The following SPAG16 variants were observed in gnomAD, a reference collection of about 807,000 sequenced individuals.
SPAG16 encodes the protein sperm-associated antigen 16 protein.
Under a neutral mutation model 80.4 loss-of-function variants are expected in SPAG16, and 86 were observed. The observed-to-expected ratio is 1.07, with a 90% CI of 0.90 to 1.28. SPAG16 has a LOEUF of 1.28. Among genes scored for constraint, SPAG16 ranks in the 50% most tolerant of loss-of-function variants. The pLI, the probability that SPAG16 is intolerant of heterozygous loss-of-function variation, is 0.00. For synonymous variants in SPAG16, 294 were observed against 265.9 expected, an observed-to-expected ratio of 1.11 and a Z score of -1.03; for missense variants, 870 against 765.3, an observed-to-expected ratio of 1.14 and a Z score of -1.61.
chr2:214,376,944 A>T lies in SPAG16; in HGVS notation c.1721-33196A>T, dbSNP rs75095009. ...ATAAAAATTTAAAATTTAGCAAAACATACACATGCAGGCACTTACAGACCA... is the reference window on the plus strand; with the variant it reads ...ATAAAAATTTAAAATTTAGCAAAACTTACACATGCAGGCACTTACAGACCA... On this transcript the variant is annotated intron_variant, in intron 15 of 15. Coordinates refer to ENST00000331683, the MANE Select transcript of SPAG16 (RefSeq NM_024532.5). Among the ~76,000 whole-genome samples the T allele has an allele frequency of 5.3e-5, 8 of 152,350 alleles. No individual in the cohort carries two copies. In the East Asian group the frequency reaches 1.3e-3, roughly 26 times the overall value.
At chr2:213,607,017 T>C (rs764248151) in intron 10 of SPAG16, among the ~76,000 whole-genome samples, 3 of 152,066 alleles carry the variant, frequency 2.0e-5, no homozygotes, top group Non-Finnish European at 2.9e-5. Context: ...GCTGGAGAAG[T>C]TTATATTGCA....
intron 3 of SPAG16, among the ~76,000 whole-genome samples, chr2:213,309,825 G>A (rs1156813977): frequency 1.3e-5 from 2 of 151,948 alleles, no homozygotes; most frequent in African/African-American, 4.8e-5. Flanking sequence ...TTTTTATTTA[G>A]TTATTCATAT....
intron 11 of SPAG16, among the ~76,000 whole-genome samples, chr2:213,881,957 T>C (rs942587810): frequency 6.6e-6 from 1 of 152,200 alleles, no homozygotes; most frequent in African/African-American, 2.4e-5. Context: ...CAGTATGAGG[T>C]TGGCTGTTGG....
At position 214,320,440 on chromosome 2, in the gene SPAG16, T is replaced by C. The variant is rs1032064790; in HGVS notation, c.1721-89700T>C. On this transcript the variant is annotated intron_variant, in intron 15 of 15. Transcript: ENST00000331683. ...GTCTACATTCCTCCTGTATGAACCA[T>C]ATTCTTGTAAGCCCCAAGCATATAT... Among the ~76,000 whole-genome samples, 12 of 152,336 alleles carry C rather than the reference T, an allele frequency of 7.9e-5. No individual in the cohort carries two copies. In the Middle Eastern group the frequency reaches 0.01, roughly 130 times the overall value.
At chr2:214,352,568 G>GTGTGTGTGTGTGTA (rs1453726686) in intron 15 of SPAG16, among the ~76,000 whole-genome samples, 2 of 59,412 alleles carry the variant, frequency 3.4e-5, no homozygotes, top group Non-Finnish European at 6.3e-5. Context: ...CTGTGTGTGT[G>GTGTGTGTGTGTGTA]TGTGTGTATG....
intron 13 of SPAG16, among the ~76,000 whole-genome samples, chr2:214,044,966 C>A (rs2049233465): frequency 6.6e-6 from 1 of 152,154 alleles, no homozygotes; most frequent in Non-Finnish European, 1.5e-5. Context: ...GGCTAGAAAA[C>A]CAGGACTGCA....
chr2:213,310,174 A>C lies in SPAG16; in HGVS notation c.395A>C (p.Glu132Ala), dbSNP rs1211656913. 6.4e-7 allele frequency: 1 copy of C among 1,567,160 alleles called. No individual in the cohort carries two copies. The highest frequency in any genetic ancestry group is 1.7e-5 in the Admixed American group (1 of 57,758). Residue 132 changes from glutamate to alanine, a missense_variant, in exon 4 of 16, where the codon GAA (glutamate) becomes GCA (alanine). Transcript: ENST00000331683. ...MTRTLDCFQS[E>A]WYELIQKGVT... ...AGAACTCTTGATTGCTTTCAGTCTG[A>C]ATGGTAAACAATTATGTAGATAAAT...
chr2:214,038,140 A>G (rs1035144588), intron 13 of SPAG16, among the ~76,000 whole-genome samples: 2 of 152,132 alleles, frequency 1.3e-5, no homozygotes, highest in Non-Finnish European at 2.9e-5. Context: ...GTTTCTCTAT[A>G]CAAAGTAGAG....
At chr2:213,853,656 A>T (rs945022614) in intron 10 of SPAG16, among the ~76,000 whole-genome samples, 1 of 152,190 alleles carries the variant, frequency 6.6e-6, no homozygotes, top group Non-Finnish European at 1.5e-5. Context: ...GAATGTTGTG[A>T]CAGAGCCTTT....
At chr2:214,313,393 C>T (rs1402545387) in intron 15 of SPAG16, among the ~76,000 whole-genome samples, 1 of 151,922 alleles carries the variant, frequency 6.6e-6, no homozygotes, top group African/African-American at 2.4e-5. Flanking sequence ...CAGAGTGCTC[C>T]CAAGGATTCG....
intron 15 of SPAG16, among the ~76,000 whole-genome samples, chr2:214,408,237 C>T (rs943961908): frequency 1.3e-5 from 2 of 151,970 alleles, no homozygotes; most frequent in Admixed American, 6.6e-5. Flanking sequence ...GGTTCTGTTT[C>T]GTTTTGTTTG....
intron 11 of SPAG16, among the ~76,000 whole-genome samples, chr2:213,920,809 C>G (rs754710590): frequency 2.6e-5 from 4 of 152,222 alleles, no homozygotes; most frequent in Non-Finnish European, 5.9e-5. Context: ...ATGGACATCT[C>G]TTGTCATACT....
At chr2:214,055,079 C>T (rs1365837584) in intron 13 of SPAG16, among the ~76,000 whole-genome samples, 1 of 152,084 alleles carries the variant, frequency 6.6e-6, no homozygotes, top group African/African-American at 2.4e-5. Flanking sequence ...GCAGGATTTT[C>T]CCCCATTAAA....
intron 11 of SPAG16, among the ~76,000 whole-genome samples, chr2:213,899,069 A>T (rs1159627960): frequency 6.6e-6 from 1 of 152,124 alleles, no homozygotes; most frequent in Non-Finnish European, 1.5e-5. Context: ...ACTTGAAGGG[A>T]TAGGATACCA....
intron 14 of SPAG16, among the ~76,000 whole-genome samples, chr2:214,135,067 G>A (rs1236312614): frequency 6.6e-6 from 1 of 152,130 alleles, no homozygotes; most frequent in Non-Finnish European, 1.5e-5. Context: ...TTATCCTAGT[G>A]TTCCGCTCCT....
intron 15 of SPAG16, among the ~76,000 whole-genome samples, chr2:214,217,124 T>C (rs570053100): frequency 6.6e-6 from 1 of 152,326 alleles, no homozygotes; most frequent in East Asian, 1.9e-4. Flanking sequence ...TGTTACAAAA[T>C]TTTAGTTATT....
At chr2:214,103,420 C>A (rs1046718473) in intron 13 of SPAG16, among the ~76,000 whole-genome samples, 26 of 152,130 alleles carry the variant, frequency 1.7e-4, no homozygotes, top group African/African-American at 6.0e-4. Flanking sequence ...GGCTGTGTGC[C>A]CAGGAGGAAA....
intron 10 of SPAG16, among the ~76,000 whole-genome samples, chr2:213,544,440 A>G (rs2076549922): frequency 6.6e-6 from 1 of 152,034 alleles, no homozygotes; most frequent in Non-Finnish European, 1.5e-5. Flanking sequence ...CCATACCCCC[A>G]CACGTACATA....
At chr2:214,330,084 T>A (rs940444650) in intron 15 of SPAG16, among the ~76,000 whole-genome samples, 1 of 147,676 alleles carries the variant, frequency 6.8e-6, no homozygotes, top group African/African-American at 2.5e-5. Context: ...CTGGCCAACA[T>A]GATGAAACCC....
Sources: gnomAD v4.1 joint callset for allele counts (sites outside exome capture counted in the v4.1 genomes callset) on GRCh38, gnomAD v4.1.1 for gene constraint, MANE v1.5 for transcripts, NCBI Gene and HGNC (gene_info 2026-07-23, HGNC 2026-07-21) for gene names.